SLC12A8: variants seen among roughly 807,000 people sequenced by gnomAD.
SLC12A8 encodes the protein solute carrier family 12 member 8.
SLC12A8 carries 69 observed loss-of-function variants against 75.6 expected under a neutral mutation model. The ratio of observed to expected loss-of-function variants is 0.91; its 90% confidence interval spans 0.75 to 1.11. SLC12A8 has a LOEUF of 1.11. Among genes scored for constraint, SLC12A8 ranks in the 50% most tolerant of loss-of-function variants. The pLI is 0.00. For synonymous variants in SLC12A8, 365 were observed against 372.8 expected, an observed-to-expected ratio of 0.98 and a Z score of 0.24; for missense variants, 877 against 896.7, an observed-to-expected ratio of 0.98 and a Z score of 0.28.
intron 13 of SLC12A8, among the ~76,000 whole-genome samples, chr3:125,087,578 C>T (rs991287272): frequency 4.6e-5 from 7 of 152,122 alleles, no homozygotes; most frequent in Non-Finnish European, 8.8e-5. Flanking sequence ...AATGAACACT[C>T]GGTTGGGTTC....
rs182897253 is a variant in SLC12A8, at chr3:125,146,892, G to A, written c.623-11110C>T. On this transcript the variant is annotated intron_variant, in intron 5 of 13. Transcript: ENST00000469902. ...CACCACAGGGAGGCCCTTCCTCCAC[G>A]AGAAGCAGGGCGGGGAAGCTGCCCA... Among the ~76,000 whole-genome samples, 60 of 152,314 alleles carry A rather than the reference G, an allele frequency of 3.9e-4. No homozygotes were observed. In the East Asian group the frequency reaches 6.4e-3, roughly 16 times the overall value.
rs572339175 is a variant in SLC12A8 at position 125,201,811 on chromosome 3, AG to A, written c.51+9487del. Among the ~76,000 whole-genome samples, 67 of 152,330 alleles carry A rather than the reference AG, an allele frequency of 4.4e-4. No homozygotes were observed. The East Asian group carries it at 0.013, about 29-fold the overall frequency. On this transcript the variant is annotated intron_variant, in intron 2 of 13. Transcript: ENST00000469902. ...TTGATTAAGGTGTTAAAATTCAGAA[AG>A]AAAAAATTTAGGAATTAGATTAAAT...
intron 2 of SLC12A8, among the ~76,000 whole-genome samples, chr3:125,197,037 C>T (rs1422656429): frequency 6.6e-6 from 1 of 152,160 alleles, no homozygotes; most frequent in Admixed American, 6.5e-5. Flanking sequence ...GGAACCAGGG[C>T]TCCTTGCAGA....
intron 2 of SLC12A8, among the ~76,000 whole-genome samples, chr3:125,194,640 G>A (rs1298366492): frequency 6.6e-6 from 1 of 152,220 alleles, no homozygotes; most frequent in Non-Finnish European, 1.5e-5. Context: ...TGCAATGTCA[G>A]ATGACACCTT....
At chr3:125,103,887 G>A (rs1243913080) in intron 10 of SLC12A8, among the ~76,000 whole-genome samples, 1 of 151,884 alleles carries the variant, frequency 6.6e-6, no homozygotes, top group Non-Finnish European at 1.5e-5. Flanking sequence ...TCCTGTCTCA[G>A]CCTCCCAAAG....
At chr3:125,159,122 T>G (rs1270740708) in intron 5 of SLC12A8, among the ~76,000 whole-genome samples, 1 of 152,220 alleles carries the variant, frequency 6.6e-6, no homozygotes, top group Non-Finnish European at 1.5e-5. Flanking sequence ...GAGGAAATAA[T>G]AAAATTCTCT....
At chr3:125,180,147 T>C (rs1219884087) in intron 4 of SLC12A8, among the ~76,000 whole-genome samples, 1 of 150,944 alleles carries the variant, frequency 6.6e-6, no homozygotes, top group East Asian at 1.9e-4. Context: ...TATCTAAAAT[T>C]GCTTTTTAGC....
intron 5 of SLC12A8, among the ~76,000 whole-genome samples, chr3:125,148,164 A>C (rs764463909): frequency 9.9e-5 from 15 of 152,204 alleles, no homozygotes; most frequent in Non-Finnish European, 1.9e-4. Flanking sequence ...TATGTGATGC[A>C]ATCTTTCACA....
chr3:125,145,339 C>T (rs1009219339), intron 5 of SLC12A8, among the ~76,000 whole-genome samples: 1 of 152,124 alleles, frequency 6.6e-6, no homozygotes, highest in African/African-American at 2.4e-5. Flanking sequence ...TGGCACCTAG[C>T]CCCAGGGGAC....
chr3:125,103,337 A>G (rs985839469), intron 10 of SLC12A8, among the ~76,000 whole-genome samples: 2 of 151,936 alleles, frequency 1.3e-5, no homozygotes, highest in Non-Finnish European at 2.9e-5. Context: ...CTAGATATTC[A>G]CATTTGGGGG....
At chr3:125,167,967 A>G (rs140853156) in intron 5 of SLC12A8, among the ~76,000 whole-genome samples, 28 of 152,348 alleles carry the variant, frequency 1.8e-4, no homozygotes, top group African/African-American at 6.0e-4. Flanking sequence ...AATAGAAAGC[A>G]ACTGATGCTG....
At position 125,107,648 on chromosome 3, in the gene SLC12A8, G is replaced by A. The variant is rs1208821444; in HGVS notation, c.1538C>T (p.Pro513Leu). 3 of 1,614,070 alleles carry A rather than the reference G, an allele frequency of 1.9e-6. No individual in the cohort carries two copies. Among genetic ancestry groups the A allele is most frequent in the Non-Finnish European group, 2.5e-6 (3 of 1,180,026 alleles). Reference protein sequence around the residue: ...DSFLLDLKSPPSFPVEISDRL... With the variant: ...DSFLLDLKSPLSFPVEISDRL... ...GTCAGAGATCTCGACAGGGAAAGAA[G>A]GAGGGGATTTGAGGTCCAAGAGGAA... Residue 513 changes from proline (P) to leucine (L), a missense_variant, in exon 10 of 14, where the codon CCT (proline) becomes CTT (leucine). Transcript: ENST00000469902.
intron 12 of SLC12A8, among the ~76,000 whole-genome samples, chr3:125,089,305 T>C (rs879438605): frequency 5.3e-5 from 8 of 152,144 alleles, no homozygotes; most frequent in Non-Finnish European, 8.8e-5. Flanking sequence ...CATTTTGAGA[T>C]TGTCAGAAGG....
intron 5 of SLC12A8, among the ~76,000 whole-genome samples, chr3:125,145,650 C>G (rs1390169980): frequency 2.0e-5 from 3 of 148,300 alleles, no homozygotes; most frequent in African/African-American, 7.4e-5. Flanking sequence ...GCAGATAATA[C>G]CAAACCCTAT....
intron 5 of SLC12A8, among the ~76,000 whole-genome samples, chr3:125,148,043 C>T (rs1393147879): frequency 6.6e-6 from 1 of 152,202 alleles, no homozygotes; most frequent in Non-Finnish European, 1.5e-5. Flanking sequence ...ACAAAGAGAG[C>T]AGGTCAGAGA....
At chr3:125,121,562 CCTGTGTCA>C (rs1933062274) in intron 6 of SLC12A8, among the ~76,000 whole-genome samples, 2 of 152,286 alleles carry the variant, frequency 1.3e-5, no homozygotes, top group African/African-American at 2.4e-5. Flanking sequence ...ACTGCCTGGG[CCTGTGTCA>C]AGTGCTTTAC....
At chr3:125,146,901 G>A (rs1420934309) in intron 5 of SLC12A8, among the ~76,000 whole-genome samples, 1 of 152,250 alleles carries the variant, frequency 6.6e-6, no homozygotes, top group Non-Finnish European at 1.5e-5. Context: ...CGAGAAGCAG[G>A]GCGGGGAAGC....
At chr3:125,170,117 C>T (rs1211651741) in intron 5 of SLC12A8, among the ~76,000 whole-genome samples, 1 of 152,118 alleles carries the variant, frequency 6.6e-6, no homozygotes, top group East Asian at 1.9e-4. Context: ...CATCACATGA[C>T]AGAAACTTGA....
At chr3:125,186,440 G>A (rs1433437872) in intron 4 of SLC12A8, among the ~76,000 whole-genome samples, 2 of 152,244 alleles carry the variant, frequency 1.3e-5, no homozygotes, top group South Asian at 2.1e-4. Context: ...AAACAAAACC[G>A]ATGCTTTCTC....
Sources: allele counts gnomAD v4.1 joint callset (sites outside exome capture counted in the v4.1 genomes callset), GRCh38; gene constraint gnomAD v4.1.1; transcripts MANE v1.5; gene names NCBI Gene and HGNC (gene_info 2026-07-23, HGNC 2026-07-21).